The following ACVRL1 variants were observed in gnomAD, a reference collection of about 807,000 sequenced individuals.
ACVRL1 encodes activin A receptor like type 1.
In ACVRL1, 20 loss-of-function variants were observed where a neutral mutation model predicts 51.9. The ratio of observed to expected loss-of-function variants is 0.39; its 90% CI spans 0.27 to 0.56. The LOEUF is 0.56. Among genes scored for constraint, ACVRL1 ranks in the 20% least tolerant of loss-of-function variants. ACVRL1 has a pLI of 0.67. For missense variants in ACVRL1, 451 were observed against 670.3 expected (o/e 0.67, Z 3.61); for synonymous variants, 288 against 280.9 (o/e 1.03, Z -0.25).
intron 4 of ACVRL1, 68 bp from the exon 5 acceptor site, chr12:51,913,906 G>T (rs367746408): frequency 1.9e-6 from 3 of 1,584,450 alleles, no homozygotes; most frequent in Non-Finnish European, 8.6e-7. Context: ...GCAGGTCCCA[G>T]GTCGAGGATA....
In ACVRL1 at chr12:51,921,012, C is replaced by T. The variant is rs371494827; in HGVS notation, c.*119C>T. Reference sequence around the variant, plus strand: ...GGTGTGTGCTGGGGATGGGCAGCTGCGCCTGCCTGCTCGGCCCCCAGCCCA... The same window carrying T: ...GGTGTGTGCTGGGGATGGGCAGCTGTGCCTGCCTGCTCGGCCCCCAGCCCA... On this transcript the variant is annotated 3_prime_UTR_variant, in exon 10 of 10. Transcript: ENST00000388922. 2.9e-4 allele frequency: 369 copies of T among 1,252,302 alleles called. No individual in the cohort carries two copies. In the African/African-American group the frequency reaches 4.7e-3, roughly 16 times the overall value. The allele number at this position is 1,252,302 out of a possible 1,614,324, so 77.6% of individuals were successfully genotyped here.
intron 8 of ACVRL1, 89 bp from the exon 9 acceptor site, chr12:51,918,896 T>C: frequency 6.2e-7 from 1 of 1,602,024 alleles, no homozygotes. Context: ...TTCTGGCCCT[T>C]GGATAGAGGG....
chr12:51,918,484 T>C (rs895413913), intron 8 of ACVRL1, among the ~76,000 whole-genome samples: 2 of 152,206 alleles, frequency 1.3e-5, no homozygotes, highest in African/African-American at 4.8e-5. Flanking sequence ...TGGCATACAG[T>C]GCTCAGTAAA....
intron 7 of ACVRL1, 130 bp downstream of exon 7, chr12:51,915,630 C>A: frequency 2.4e-6 from 3 of 1,256,568 alleles, no homozygotes; most frequent in Non-Finnish European, 3.2e-6. Context: ...TTTCAGTTCT[C>A]CTCCGCAAGA....
chr12:51,918,662 C>T (rs182272637), intron 8 of ACVRL1, among the ~76,000 whole-genome samples: 8 of 152,138 alleles, frequency 5.3e-5, no homozygotes, highest in Admixed American at 3.3e-4. Flanking sequence ...CTTGGGCCCC[C>T]CTTCTCTGAG....
chr12:51,919,267 C>T (rs1940913888), intron 9 of ACVRL1, 152 bp downstream of exon 9: 1 of 1,206,568 alleles, frequency 8.3e-7, no homozygotes, highest in African/African-American at 1.5e-5. Flanking sequence ...CTCTTTCAAC[C>T]CTGGCCCATG....
Position 51,913,312 on chromosome 12 carries a change from G to T in ACVRL1, c.275G>T (p.Ser92Ile). The T allele has an allele frequency of 6.2e-7, 1 of 1,611,726 alleles. No homozygotes were observed. Among genetic ancestry groups the T allele is most frequent in the Non-Finnish European group, 8.5e-7 (1 of 1,179,354 alleles). ...TEFVNHYCCD[S>I]HLCNHNVSLV... ...TTCGTCAACCACTACTGCTGCGACAGCCACCTCTGCAACCACAACGTGTCC... is the reference window on the plus strand; with the variant it reads ...TTCGTCAACCACTACTGCTGCGACATCCACCTCTGCAACCACAACGTGTCC... The change falls in exon 3 of 10, where the codon AGC becomes ATC. Residue 92 changes from serine (S) to isoleucine (I), a missense_variant. By Grantham distance (142) the Ser-to-Ile change is moderately radical. This residue lies in a region of ACVRL1 where 192 missense variants were observed against 216.9 expected (regional missense o/e 0.89). Coordinates refer to ENST00000388922, the MANE Select transcript of ACVRL1 (RefSeq NM_000020.3).
At chr12:51,911,537 C>T (rs1266804774) in intron 1 of ACVRL1, among the ~76,000 whole-genome samples, 1 of 152,168 alleles carries the variant, frequency 6.6e-6, no homozygotes, top group Non-Finnish European at 1.5e-5. Context: ...CTGGCATGAC[C>T]CTGCCCCGTC....
In ACVRL1 at chr12:51,913,224, C is replaced by A; in HGVS notation, c.187C>A (p.Pro63Thr). ...VVLVREEGRHPQEHRGCGNLH... is the reference protein window; with the variant it reads ...VVLVREEGRHTQEHRGCGNLH... ...GCTGGTGCGGGAGGAGGGGAGGCAC[C>A]CCCAGGAACATCGGGGCTGCGGGAA... The change falls in exon 3 of 10, where the codon CCC (proline) becomes ACC (threonine). Residue 63 changes from proline to threonine, a missense_variant. Transcript: ENST00000388922. 1 of 1,590,170 alleles carries A rather than the reference C, an allele frequency of 6.3e-7. No homozygotes were observed. Among genetic ancestry groups the A allele is most frequent in the Non-Finnish European group, 8.6e-7 (1 of 1,168,752 alleles).
intron 8 of ACVRL1, 55 bp from the exon 9 acceptor site, chr12:51,918,930 G>T: frequency 1.2e-6 from 2 of 1,613,974 alleles, no homozygotes; most frequent in Non-Finnish European, 1.7e-6. Context: ...CCTCTGGGTG[G>T]TATTGGGCCT....
intron 5 of ACVRL1, 151 bp from the exon 6 acceptor site, chr12:51,914,288 A>G: frequency 7.6e-7 from 1 of 1,321,290 alleles, no homozygotes; most frequent in Non-Finnish European, 1.1e-6. Context: ...GTGGCCTGCC[A>G]CTGGGTTTGG....
intron 6 of ACVRL1, 50 bp downstream of exon 6, chr12:51,914,635 C>G (rs774352440): frequency 6.3e-7 from 1 of 1,575,720 alleles, no homozygotes; most frequent in South Asian, 1.2e-5. Flanking sequence ...CCCCCCTGCA[C>G]TCAGGGCTCA....
intron 1 of ACVRL1, among the ~76,000 whole-genome samples, chr12:51,910,535 G>T (rs1431676546): frequency 2.0e-5 from 3 of 152,182 alleles, no homozygotes; most frequent in Non-Finnish European, 4.4e-5. Flanking sequence ...GGTGGACTGG[G>T]GCACGGCCAG....
rs114741844 is a variant in ACVRL1 at position 51,921,316 on chromosome 12, C to T, written c.*423C>T. 944 of 294,580 alleles carry T rather than the reference C, an allele frequency of 3.2e-3. 15 individuals are homozygous for T. Among genetic ancestry groups the T allele is most frequent in the African/African-American group, 0.019 (892 of 46,278 alleles). 18.2% of individuals were successfully genotyped at this position (294,580 alleles called of 1,614,324 possible). ...TGCCAGGGTGGCACAGGGCCCTGTC[C>T]AGCCCCTGGCACACACTTCCCTGCC... On this transcript the variant is annotated 3_prime_UTR_variant, in exon 10 of 10. Transcript: ENST00000388922.
At chr12:51,915,882 T>G in intron 7 of ACVRL1, 154 bp from the exon 8 acceptor site, 1 of 794,512 alleles carries the variant, frequency 1.3e-6, no homozygotes, top group Non-Finnish European at 2.0e-6. Context: ...GGGCCATGGT[T>G]CTCTCTGTGG....
chr12:51,912,997 T>A, intron 2 of ACVRL1, 102 bp from the exon 3 acceptor site: 1 of 1,499,540 alleles, frequency 6.7e-7, no homozygotes, highest in Non-Finnish European at 9.0e-7. Flanking sequence ...AAGGTGTTTG[T>A]CTGAGGGGTC....
At chr12:51,909,556 G>A (rs74974594) in intron 1 of ACVRL1, among the ~76,000 whole-genome samples, 94 of 151,976 alleles carry the variant, frequency 6.2e-4, no homozygotes, top group African/African-American at 2.0e-3. Context: ...TAGGGCACCC[G>A]TTAATAACAA....
At position 51,913,334 on chromosome 12, in the gene ACVRL1, G is replaced by A. The variant is rs1358690038; in HGVS notation, c.297G>A (p.Val99=). Residue 99 remains valine (V), a synonymous_variant, in exon 3 of 10, where the codon GTG becomes GTA. Coordinates refer to ENST00000388922, the MANE Select transcript of ACVRL1 (RefSeq NM_000020.3). ...CCDSHLCNHN[V]SLVLEATQPP... is the part of the protein sequence containing the mutation. ...ACAGCCACCTCTGCAACCACAACGT[G>A]TCCCTGGTGCTGGAGGGTACGTCCA... 6.2e-7 allele frequency: 1 copy of A among 1,612,344 alleles called. No individual in the cohort carries two copies. The highest frequency in any genetic ancestry group is 8.5e-7 in the Non-Finnish European group (1 of 1,179,610).
intron 5 of ACVRL1, 57 bp downstream of exon 5, chr12:51,914,130 G>T (rs1940768922): frequency 6.4e-7 from 1 of 1,567,590 alleles, no homozygotes; most frequent in Non-Finnish European, 8.7e-7. Context: ...AGCCTGGAGG[G>T]GTGAGGGAGT....
Sources: gnomAD v4.1 joint callset for allele counts (sites outside exome capture counted in the v4.1 genomes callset) on GRCh38, gnomAD v4.1.1 for gene constraint, gnomAD v4.1.1 regional missense constraint, MANE v1.5 for transcripts, NCBI Gene and HGNC (gene_info 2026-07-23, HGNC 2026-07-21) for gene names.